Variants in DNAL1 observed in about 807,000 individuals in gnomAD.
The protein encoded by DNAL1 is dynein axonemal light chain 1.
DNAL1 carries 17 observed loss-of-function variants against 29.4 expected under a neutral mutation model. The ratio of observed to expected loss-of-function variants is 0.58; its 90% confidence interval spans 0.40 to 0.87. The LOEUF (loss-of-function observed/expected upper bound fraction) is 0.87, where lower values mean the gene tolerates loss of function less well. Among genes scored for constraint, DNAL1 ranks in the 40% least tolerant of loss-of-function variants. The pLI is 0.00. For synonymous variants in DNAL1, 78 were observed against 76.3 expected, an observed-to-expected ratio of 1.02 and a Z score of -0.12; for missense variants, 188 against 214.1, an observed-to-expected ratio of 0.88 and a Z score of 0.76.
chr14:73,652,890 A>T (rs951147225), intron 1 of DNAL1, among the ~76,000 whole-genome samples: 2 of 151,886 alleles, frequency 1.3e-5, no homozygotes, highest in Non-Finnish European at 2.9e-5. Flanking sequence ...TTTCTTTTTA[A>T]CCCAAGGGTT....
At chr14:73,690,432 C>T (rs1892143424) in intron 7 of DNAL1, among the ~76,000 whole-genome samples, 1 of 152,072 alleles carries the variant, frequency 6.6e-6, no homozygotes, top group Admixed American at 6.6e-5. Flanking sequence ...GCGGGCAGAT[C>T]ACCTGAGGTT....
chr14:73,702,193 T>G lies in DNAL1; in HGVS notation c.*6251T>G, dbSNP rs556144735. 268 of 152,100 alleles carry G rather than the reference T, an allele frequency of 1.8e-3. No homozygotes were observed. Among genetic ancestry groups the G allele is most frequent in the Non-Finnish European group, 3.3e-3 (228 of 68,076 alleles). The allele number at this position is 152,100 out of a possible 1,614,324, so 9.4% of individuals were successfully genotyped here. A position where few individuals can be genotyped will look rare whatever the true frequency, so the allele number is the denominator to read the frequency against. The stretch of plus-strand genomic sequence containing the variant: ...TCTCACTCTGTTGCCCAGGCTGGAG[T>G]GCACTGGCACAATCTCGGCTTACTG... On this transcript the variant is annotated 3_prime_UTR_variant, in exon 8 of 8. Transcript: ENST00000553645.
intron 4 of DNAL1, among the ~76,000 whole-genome samples, chr14:73,666,225 T>C (rs963440916): frequency 2.6e-5 from 4 of 152,182 alleles, no homozygotes; most frequent in African/African-American, 4.8e-5. Flanking sequence ...AATAAATAGG[T>C]ATTCCTATTT....
chr14:73,653,427 C>A (rs1026418860), intron 1 of DNAL1, among the ~76,000 whole-genome samples: 5 of 152,198 alleles, frequency 3.3e-5, no homozygotes, highest in Non-Finnish European at 5.9e-5. Context: ...TCATCCCTCA[C>A]TGTAACCTCG....
intron 5 of DNAL1, 73 bp from the exon 6 acceptor site, chr14:73,687,186 T>A: frequency 6.3e-7 from 1 of 1,577,654 alleles, no homozygotes; most frequent in East Asian, 2.3e-5. Flanking sequence ...AGCCATTATG[T>A]ATATCTTTAT....
intron 1 of DNAL1, chr14:73,653,343 AT>A (rs1046554206): frequency 3.4e-4 from 52 of 152,148 alleles, no homozygotes; most frequent in African/African-American, 1.2e-3. Context: ...GCTCTAATTA[AT>A]TTGATTTAAT....
chr14:73,676,894 T>A (rs1276501768), intron 5 of DNAL1, among the ~76,000 whole-genome samples: 1 of 152,156 alleles, frequency 6.6e-6, no homozygotes, highest in Non-Finnish European at 1.5e-5. Context: ...TAATGCTAGT[T>A]TCTATTTCCA....
chr14:73,690,661 A>C (rs566091436), intron 7 of DNAL1, among the ~76,000 whole-genome samples: 15 of 152,226 alleles, frequency 9.9e-5, no homozygotes, highest in African/African-American at 3.6e-4. Flanking sequence ...TCAAAAAAAA[A>C]AAAAAGAGAA....
chr14:73,674,230 C>A (rs1047464955), intron 5 of DNAL1, among the ~76,000 whole-genome samples: 4 of 152,124 alleles, frequency 2.6e-5, no homozygotes, highest in African/African-American at 9.7e-5. Context: ...GTTCCTTGAC[C>A]ATGCACAATT....
intron 4 of DNAL1, among the ~76,000 whole-genome samples, chr14:73,669,286 ACT>A (rs1491477632): frequency 6.6e-6 from 1 of 150,898 alleles, no homozygotes; most frequent in Admixed American, 6.6e-5. Flanking sequence ...GCCCAGCTAA[ACT>A]TTTTTTTGAG....
chr14:73,689,615 T>G (rs564719742), intron 7 of DNAL1, 100 bp downstream of exon 7: 1 of 1,491,464 alleles, frequency 6.7e-7, no homozygotes, highest in South Asian at 1.2e-5. Flanking sequence ...AAAAAATACC[T>G]CTGATCTTCC....
chr14:73,645,495 T>G (rs1890958195), intron 1 of DNAL1, among the ~76,000 whole-genome samples: 1 of 152,152 alleles, frequency 6.6e-6, no homozygotes, highest in Admixed American at 6.6e-5. Context: ...CCAGGTTGCC[T>G]TCTGAATGAC....
At chr14:73,665,297 T>C (rs1174583456) in intron 4 of DNAL1, among the ~76,000 whole-genome samples, 1 of 152,164 alleles carries the variant, frequency 6.6e-6, no homozygotes, top group Non-Finnish European at 1.5e-5. Context: ...GAGTTGTGTG[T>C]GAGATGCCTG....
At chr14:73,664,667 G>A (rs943179165) in intron 4 of DNAL1, among the ~76,000 whole-genome samples, 19 of 152,076 alleles carry the variant, frequency 1.2e-4, no homozygotes, top group African/African-American at 3.9e-4. Flanking sequence ...TTAGGAGTTC[G>A]AGACCAGCCT....
At chr14:73,649,019 A>G in intron 1 of DNAL1, among the ~76,000 whole-genome samples, 1 of 151,750 alleles carries the variant, frequency 6.6e-6, no homozygotes, top group East Asian at 1.9e-4. Context: ...TCTGTTGCCC[A>G]GGCTGGAGTG....
In DNAL1 at chr14:73,687,339, GAAAT is replaced by G; in HGVS notation, c.346_349del (p.Lys116Ter). 6.2e-7 allele frequency: 1 copy of G among 1,612,148 alleles called. No individual in the cohort carries two copies. The highest frequency in any genetic ancestry group is 8.5e-7 in the Non-Finnish European group (1 of 1,179,092). On this transcript the variant is annotated frameshift_variant, in exon 6 of 8. Transcript: ENST00000553645. LOFTEE classifies it high-confidence loss of function. ...AGTTGAAAGGGATCCACATAATGAA[GAAAT>G]TGAAGATTCTCTACATGTCTAATAA...
At chr14:73,692,509 A>G (rs1012081937) in intron 7 of DNAL1, among the ~76,000 whole-genome samples, 1 of 151,802 alleles carries the variant, frequency 6.6e-6, no homozygotes, top group African/African-American at 2.4e-5. Context: ...AAAATATAAA[A>G]TTAGCCAGGC....
chr14:73,666,346 G>C (rs1891476855), intron 4 of DNAL1, among the ~76,000 whole-genome samples: 1 of 152,090 alleles, frequency 6.6e-6, no homozygotes, highest in African/African-American at 2.4e-5. Flanking sequence ...TGACTAAAAA[G>C]CTGTATAATA....
At chr14:73,679,196 C>T (rs1382480490) in intron 5 of DNAL1, among the ~76,000 whole-genome samples, 1 of 152,060 alleles carries the variant, frequency 6.6e-6, no homozygotes, top group East Asian at 1.9e-4. Flanking sequence ...AGGGTTTCAC[C>T]ATATTGGCCG....
Sources: allele counts gnomAD v4.1 joint callset (sites outside exome capture counted in the v4.1 genomes callset), GRCh38; gene constraint gnomAD v4.1.1; transcripts MANE v1.5; gene names NCBI Gene and HGNC (gene_info 2026-07-23, HGNC 2026-07-21).